The following GYG1 variants were observed in gnomAD, a reference collection of about 807,000 sequenced individuals.
The protein encoded by GYG1 is glycogenin-1.
GYG1 carries 44 observed loss-of-function variants against 41.9 expected under a neutral mutation model. The ratio of observed to expected loss-of-function variants is 1.05; its 90% confidence interval spans 0.83 to 1.35. The LOEUF (loss-of-function observed/expected upper bound fraction) is 1.35. GYG1 is among the 40% of genes most tolerant of loss of function. The pLI is 0.00. For synonymous variants in GYG1, 141 were observed against 158.1 expected, an observed-to-expected ratio of 0.89 and a Z score of 0.81; for missense variants, 429 against 418.9, an observed-to-expected ratio of 1.02 and a Z score of -0.21.
At chr3:148,991,907 C>T (rs1014715273) in intron 1 of GYG1, among the ~76,000 whole-genome samples, 15 of 152,230 alleles carry the variant, frequency 9.9e-5, no homozygotes, top group African/African-American at 3.6e-4. Flanking sequence ...GTCTCCTCGT[C>T]CTTCCTCTTG....
intron 5 of GYG1, among the ~76,000 whole-genome samples, chr3:149,009,739 A>G (rs187558959): frequency 6.6e-6 from 1 of 152,184 alleles, no homozygotes; most frequent in Non-Finnish European, 1.5e-5. Flanking sequence ...TTTGTGCCCT[A>G]ACTCAATGTC....
At chr3:149,022,802 C>T (rs1402633463) in intron 5 of GYG1, among the ~76,000 whole-genome samples, 2 of 151,952 alleles carry the variant, frequency 1.3e-5, no homozygotes, top group East Asian at 3.9e-4. Flanking sequence ...CCTGTTTTGA[C>T]TTTATGTAAG....
chr3:149,005,985 GT>G (rs1713380183), intron 4 of GYG1, among the ~76,000 whole-genome samples: 3 of 151,352 alleles, frequency 2.0e-5, no homozygotes, highest in Admixed American at 6.6e-5. Flanking sequence ...TGCACTTTTG[GT>G]TTTTATGCAA....
At chr3:149,006,223 T>C (rs150592764) in intron 4 of GYG1, among the ~76,000 whole-genome samples, 7 of 151,848 alleles carry the variant, frequency 4.6e-5, no homozygotes, top group African/African-American at 1.7e-4. Context: ...GCTGGAACTA[T>C]AGGCGCGTGC....
chr3:149,019,149 C>T (rs1199065561), intron 5 of GYG1, among the ~76,000 whole-genome samples: 1 of 151,018 alleles, frequency 6.6e-6, no homozygotes, highest in Admixed American at 6.6e-5. Context: ...TGGACAGAAA[C>T]AGGGCTGAGC....
intron 5 of GYG1, among the ~76,000 whole-genome samples, chr3:149,012,915 C>T (rs1713808841): frequency 6.6e-6 from 1 of 151,970 alleles, no homozygotes; most frequent in African/African-American, 2.4e-5. Context: ...GCCTCGACCT[C>T]CTGAGGCTCA....
chr3:148,999,310 G>A (rs745696396), intron 4 of GYG1, among the ~76,000 whole-genome samples: 4 of 152,088 alleles, frequency 2.6e-5, no homozygotes, highest in Non-Finnish European at 5.9e-5. Context: ...TCCATTTACT[G>A]GCTCATTGGT....
At chr3:148,992,020 C>G (rs1268300777) in intron 1 of GYG1, among the ~76,000 whole-genome samples, 1 of 151,804 alleles carries the variant, frequency 6.6e-6, no homozygotes, top group Non-Finnish European at 1.5e-5. Flanking sequence ...CGGGGCGCAG[C>G]GGCATCGTGG....
rs113522434 is a variant in GYG1, at chr3:149,011,965, C to CTT, written c.608+2565_608+2566dup. Among the ~76,000 whole-genome samples, 15 of 152,242 alleles carry CTT rather than the reference C, an allele frequency of 9.9e-5. 1 individual carries two copies. The highest frequency in any genetic ancestry group is 3.6e-4 in the African/African-American group (15 of 41,548). On this transcript the variant is annotated intron_variant, in intron 5 of 7. Transcript: ENST00000345003. Reference sequence around the variant, plus strand: ...TGTGATAAGGCTGCTCAGAGCCATGCTTTGTCTTGCCCATTGCTGCCTATT... The same window carrying CTT: ...TGTGATAAGGCTGCTCAGAGCCATGCTTTTTGTCTTGCCCATTGCTGCCTATT...
intron 5 of GYG1, among the ~76,000 whole-genome samples, chr3:149,015,755 G>A (rs765908775): frequency 6.6e-6 from 1 of 152,170 alleles, no homozygotes; most frequent in African/African-American, 2.4e-5. Context: ...CTGCTCTAAT[G>A]GGGTGGCAGC....
chr3:148,994,041 G>A, intron 1 of GYG1, 101 bp from the exon 2 acceptor site: 3 of 1,010,664 alleles, frequency 3.0e-6, no homozygotes, highest in Non-Finnish European at 4.6e-6. Context: ...TGATGTTAGA[G>A]GAACTGGTTT....
Position 149,027,480 on chromosome 3 carries a change from A to G in GYG1, c.*547A>G, listed in dbSNP as rs1423110777. ...TTAACCCATTTTATTTCCTGTCCTT[A>G]GTGTCTGAAGATGCTCACCAGTTTT... On this transcript the variant is annotated 3_prime_UTR_variant, in exon 8 of 8. Transcript: ENST00000345003. The G allele has an allele frequency of 1.3e-5, 2 of 158,144 alleles. No individual in the cohort carries two copies. The highest frequency in any genetic ancestry group is 4.8e-5 in the African/African-American group (2 of 41,460). The allele number at this position is 158,144 out of a possible 1,614,324, so 9.8% of individuals were successfully genotyped here.
Position 149,028,219 on chromosome 3 carries a change from CCTT to C in GYG1, c.*1287_*1289del, listed in dbSNP as rs1205312097. Among the ~76,000 whole-genome samples, 1 of 152,120 alleles carries C rather than the reference CCTT, an allele frequency of 6.6e-6. No individual in the cohort carries two copies. Among genetic ancestry groups the C allele is most frequent in the Admixed American group, 6.5e-5 (1 of 15,280 alleles). ...GTGACTTAGCCTTCAAAGTCACCCT[CCTT>C]ATTCATATTGATGTGAATTAATATA... is the stretch of plus-strand genomic sequence containing the variant. On this transcript the variant is annotated 3_prime_UTR_variant, in exon 8 of 8. Coordinates refer to ENST00000345003, the MANE Select transcript of GYG1 (RefSeq NM_004130.4).
Position 148,996,737 on chromosome 3 carries a change from A to T in GYG1, c.319-5A>T, listed in dbSNP as rs750209607. ...TCTGTAATGCTCTTTCTCCCCTTTG[A>T]TCAGGTCCTAGCAAATATTGATGAT... is the stretch of plus-strand genomic sequence containing the variant. On this transcript the variant is annotated splice_polypyrimidine_tract_variant and splice_region_variant and intron_variant, in intron 3 of 7. Transcript: ENST00000345003. The T allele has an allele frequency of 1.2e-6, 2 of 1,613,048 alleles. No homozygotes were observed. Among genetic ancestry groups the T allele is most frequent in the Non-Finnish European group, 1.7e-6 (2 of 1,179,018 alleles).
At chr3:148,993,852 A>C (rs572218038) in intron 1 of GYG1, among the ~76,000 whole-genome samples, 25 of 152,332 alleles carry the variant, frequency 1.6e-4, no homozygotes, top group African/African-American at 6.0e-4. Context: ...CCTGGAGTTC[A>C]AACTCTTGGT....
intron 5 of GYG1, among the ~76,000 whole-genome samples, chr3:149,016,863 G>A (rs551134497): frequency 2.6e-5 from 4 of 152,316 alleles, no homozygotes; most frequent in African/African-American, 9.6e-5. Context: ...GCCCATGTGG[G>A]CAAGTGAGTC....
rs1327107027 is a variant in GYG1 at position 149,031,357 on chromosome 3, T to A, written c.*4424T>A. On this transcript the variant is annotated 3_prime_UTR_variant, in exon 8 of 8. Coordinates refer to ENST00000345003, the MANE Select transcript of GYG1 (RefSeq NM_004130.4). ...CAGATATCACGCCTCTCACATATAG[T>A]AGTCTTCTGAATTATAAAAATTTAT... The A allele has an allele frequency of 6.6e-6, 1 of 152,582 alleles. No homozygotes were observed. Among genetic ancestry groups the A allele is most frequent in the African/African-American group, 2.4e-5 (1 of 41,438 alleles). 9.5% of individuals were successfully genotyped at this position (152,582 alleles called of 1,614,324 possible). A position where few individuals can be genotyped will look rare whatever the true frequency, so the allele number is the denominator to read the frequency against.
intron 1 of GYG1, among the ~76,000 whole-genome samples, chr3:148,993,919 A>T (rs1302097299): frequency 6.6e-6 from 1 of 152,234 alleles, no homozygotes; most frequent in African/African-American, 2.4e-5. Flanking sequence ...TCTATAGCTT[A>T]ATCAACCTGT....
intron 5 of GYG1, among the ~76,000 whole-genome samples, chr3:149,012,809 C>T (rs77338785): frequency 0.017 from 2,585 of 152,014 alleles, 34 homozygotes; most frequent in Middle Eastern, 0.061. Context: ...AGTATTGCAT[C>T]AGAAAACAAG....
Sources: gnomAD v4.1 joint callset for allele counts (sites outside exome capture counted in the v4.1 genomes callset) on GRCh38, gnomAD v4.1.1 for gene constraint, MANE v1.5 for transcripts, NCBI Gene and HGNC (gene_info 2026-07-23, HGNC 2026-07-21) for gene names.